COL22A1: variants seen among roughly 807,000 people sequenced by gnomAD.
The protein encoded by COL22A1 is collagen type XXII alpha 1 chain, also known as collagen alpha-1(XXII) chain.
A neutral mutation model predicts 248.9 loss-of-function variants in COL22A1; 221 were observed. The ratio of observed to expected loss-of-function variants is 0.89; its 90% CI spans 0.80 to 0.99. The LOEUF is 0.99. Among genes scored for constraint, COL22A1 ranks in the 50% least tolerant of loss-of-function variants. The pLI, the probability that COL22A1 is intolerant of heterozygous loss-of-function variation, is 0.00. For missense variants in COL22A1, 2,240 were observed against 2,179.0 expected (o/e 1.03, Z -0.56); for synonymous variants, 891 against 793.4 (o/e 1.12, Z -2.07).
intron 50 of COL22A1, among the ~76,000 whole-genome samples, chr8:138,626,541 C>T (rs142795510): frequency 6.6e-5 from 10 of 152,256 alleles, no homozygotes; most frequent in East Asian, 1.9e-4. Flanking sequence ...AGAAGCTATT[C>T]GGGTTTTAGT....
rs564317696 is a variant in COL22A1 at position 138,816,002 on chromosome 8, CTGTTT to C, written c.1246-2988_1246-2984del. Reference sequence around the variant, plus strand: ...AACAATAACAATACCATTCATCTGTCTGTTTTATTTCCTGTAGAGAACCAGCCCAG... The same window carrying C: ...AACAATAACAATACCATTCATCTGTCTATTTCCTGTAGAGAACCAGCCCAG... On this transcript the variant is annotated intron_variant, in intron 7 of 64. Coordinates refer to ENST00000303045, the MANE Select transcript of COL22A1 (RefSeq NM_152888.3). Among the ~76,000 whole-genome samples, 11 of 152,332 alleles carry C rather than the reference CTGTTT, an allele frequency of 7.2e-5. No homozygotes were observed. The South Asian group carries it at 1.2e-3, about 17-fold the overall frequency.
At chr8:138,713,196 A>G (rs912392977) in intron 30 of COL22A1, among the ~76,000 whole-genome samples, 1 of 151,788 alleles carries the variant, frequency 6.6e-6, no homozygotes, top group African/African-American at 2.4e-5. Flanking sequence ...TGAACCCCCT[A>G]TGTCTGGTGG....
At chr8:138,699,600 T>C (rs2041523508) in intron 32 of COL22A1, among the ~76,000 whole-genome samples, 2 of 150,734 alleles carry the variant, frequency 1.3e-5, no homozygotes, top group South Asian at 4.2e-4. Context: ...CAAGTGTTTT[T>C]GTGTGTGGAA....
intron 16 of COL22A1, among the ~76,000 whole-genome samples, chr8:138,775,760 A>T (rs568676701): frequency 6.6e-6 from 1 of 152,298 alleles, no homozygotes; most frequent in South Asian, 2.1e-4. Context: ...ACTTACATTT[A>T]GGGTGGGAAA....
chr8:138,813,304 GGA>G (rs10540752), intron 7 of COL22A1, among the ~76,000 whole-genome samples: 113,285 of 151,870 alleles, frequency 0.75, 42,462 homozygotes, highest in Middle Eastern at 0.8. Context: ...GGACCCGGTG[GGA>G]GATAACTGAA....
chr8:138,693,764 C>A, intron 34 of COL22A1, 65 bp from the exon 35 acceptor site: 1 of 1,511,440 alleles, frequency 6.6e-7, no homozygotes. Context: ...CCCCTCACAG[C>A]AGGGAGGTCT....
At position 138,660,120 on chromosome 8, in the gene COL22A1, G is replaced by A. The variant is rs1364598583; in HGVS notation, c.3285+316C>T. ...CGAGGCACTGTTAGGAAACTGGAGG[G>A]TGGGAGACATCCCTACCTCCTGGCC... On this transcript the variant is annotated intron_variant, in intron 44 of 64. Transcript: ENST00000303045. Among the ~76,000 whole-genome samples, 5 of 152,330 alleles carry A rather than the reference G, an allele frequency of 3.3e-5. No individual in the cohort carries two copies. In the South Asian group the frequency reaches 8.3e-4, roughly 25 times the overall value.
chr8:138,811,957 T>C (rs1818273729), intron 8 of COL22A1, 36 bp from the exon 9 acceptor site: 2 of 1,507,944 alleles, frequency 1.3e-6, no homozygotes, highest in African/African-American at 2.8e-5. Context: ...AACCTGGCTC[T>C]TCACTCAGCA....
At chr8:138,885,063 T>C (rs950544228) in intron 1 of COL22A1, among the ~76,000 whole-genome samples, 3 of 152,110 alleles carry the variant, frequency 2.0e-5, no homozygotes, top group Non-Finnish European at 2.9e-5. Flanking sequence ...GCGAGCTGAA[T>C]GCACATTTGA....
intron 47 of COL22A1, among the ~76,000 whole-genome samples, chr8:138,641,955 TA>T (rs1453296058): frequency 6.6e-6 from 1 of 151,992 alleles, no homozygotes; most frequent in Non-Finnish European, 1.5e-5. Flanking sequence ...TAGTGTGGGG[TA>T]AATGACAAGC....
chr8:138,913,438 C>G (rs1214519416), intron 1 of COL22A1, among the ~76,000 whole-genome samples, 181 bp downstream of exon 1: 1 of 152,198 alleles, frequency 6.6e-6, no homozygotes, highest in East Asian at 1.9e-4. Context: ...ACTATAGTCA[C>G]TCCCTAAAGA....
chr8:138,797,180 C>T (rs1286307717), intron 11 of COL22A1, among the ~76,000 whole-genome samples: 1 of 152,138 alleles, frequency 6.6e-6, no homozygotes, highest in Non-Finnish European at 1.5e-5. Context: ...AGTTGTGCAA[C>T]AAAATCCCCA....
At chr8:138,889,441 T>C (rs1166560847) in intron 1 of COL22A1, among the ~76,000 whole-genome samples, 1 of 152,230 alleles carries the variant, frequency 6.6e-6, no homozygotes, top group African/African-American at 2.4e-5. Flanking sequence ...GAAATCATCA[T>C]TCTCAGTAAA....
At chr8:138,848,762 T>C (rs1821426267) in intron 3 of COL22A1, among the ~76,000 whole-genome samples, 1 of 152,194 alleles carries the variant, frequency 6.6e-6, no homozygotes. Flanking sequence ...GAGTCCAAGA[T>C]GAGAAACTCA....
intron 47 of COL22A1, among the ~76,000 whole-genome samples, chr8:138,641,720 A>T (rs553130458): frequency 1.3e-5 from 2 of 152,176 alleles, no homozygotes; most frequent in Non-Finnish European, 2.9e-5. Context: ...GCTGCATTGC[A>T]ACTGCAAACA....
intron 7 of COL22A1, among the ~76,000 whole-genome samples, chr8:138,817,480 C>G (rs575207003): frequency 3.3e-5 from 5 of 152,250 alleles, no homozygotes; most frequent in African/African-American, 1.2e-4. Flanking sequence ...CAGGTGCAGG[C>G]AGTTGGCAGC....
At chr8:138,721,326 G>A (rs1214361965) in intron 26 of COL22A1, among the ~76,000 whole-genome samples, 2 of 152,182 alleles carry the variant, frequency 1.3e-5, no homozygotes, top group Non-Finnish European at 2.9e-5. Context: ...GCATACTTGA[G>A]TCTGGGTGTG....
chr8:138,796,389 C>CTTTTTTTTTTTTTTTTTTTTTTTTTTT lies in COL22A1; in HGVS notation c.1596+403_1596+429dup, dbSNP rs11284610. On this transcript the variant is annotated intron_variant, in intron 12 of 64. Coordinates refer to ENST00000303045, the MANE Select transcript of COL22A1 (RefSeq NM_152888.3). ...TTTTTTTCTCTTGCTTGCTACTTTCCTTTTTTTTTTTTTTTTTTTTTTTTT... is the reference window on the plus strand; with the variant it reads ...TTTTTTTCTCTTGCTTGCTACTTTCCTTTTTTTTTTTTTTTTTTTTTTTTTTTTTTTTTTTTTTTTTTTTTTTTTTTT... 4.2e-4 allele frequency among the ~76,000 whole-genome samples: 11 copies of CTTTTTTTTTTTTTTTTTTTTTTTTTTT among 26,312 alleles called. 1 individual carries two copies. Among genetic ancestry groups the CTTTTTTTTTTTTTTTTTTTTTTTTTTT allele is most frequent in the African/African-American group, 9.4e-4 (7 of 7,460 alleles). 17.3% of individuals were successfully genotyped at this position (26,312 alleles called of 152,430 possible). A position where few individuals can be genotyped will look rare whatever the true frequency, so the allele number is the denominator to read the frequency against.
At position 138,700,157 on chromosome 8, in the gene COL22A1, C is replaced by A. The variant is rs1206755316; in HGVS notation, c.2560-13G>T. ...TGAACAGGGATGTCTGAAAAGGAAA[C>A]CACAGAGATTAGAAAGATGGGCATC... On this transcript the variant is annotated splice_polypyrimidine_tract_variant and intron_variant, in intron 31 of 64. Coordinates refer to ENST00000303045, the MANE Select transcript of COL22A1 (RefSeq NM_152888.3). 1.2e-6 allele frequency: 2 copies of A among 1,612,886 alleles called. No individual in the cohort carries two copies. The highest frequency in any genetic ancestry group is 1.7e-6 in the Non-Finnish European group (2 of 1,179,586).
Sources: gnomAD v4.1 joint callset for allele counts (sites outside exome capture counted in the v4.1 genomes callset) on GRCh38, gnomAD v4.1.1 for gene constraint, MANE v1.5 for transcripts, NCBI Gene and HGNC (gene_info 2026-07-23, HGNC 2026-07-21) for gene names.